Variants in GPR39 observed in about 807,000 individuals in gnomAD.
GPR39 encodes the protein zinc sensing receptor.
In GPR39, 23 loss-of-function variants were observed where a neutral mutation model predicts 18.4. The ratio of observed to expected loss-of-function variants is 1.25; its 90% confidence interval spans 0.90 to 1.77. The LOEUF is 1.77. Among genes scored for constraint, GPR39 ranks in the 40% most tolerant of loss-of-function variants. The probability of loss-of-function intolerance (pLI) is 0.00; values close to 1 mark genes in which losing one functional copy is unlikely to be tolerated. For synonymous variants in GPR39, 280 were observed against 257.9 expected (o/e 1.09, Z -0.82); for missense variants, 647 against 602.4 (o/e 1.07, Z -0.78).
intron 1 of GPR39, among the ~76,000 whole-genome samples, chr2:132,457,096 C>T (rs1311468454): frequency 1.3e-5 from 2 of 152,320 alleles, no homozygotes; most frequent in East Asian, 1.9e-4. Context: ...TTCCATTCTT[C>T]CCATCACTTT....
intron 1 of GPR39, among the ~76,000 whole-genome samples, chr2:132,576,213 TTGTTGGATATGTGGTCTGAAAATA>T (rs1680524979): frequency 6.6e-6 from 1 of 152,212 alleles, no homozygotes; most frequent in Admixed American, 6.5e-5. Flanking sequence ...TGTTAGTCCT[TTGTTGGATATGTGGTCTGAAAATA>T]TTTTCTCTCA....
chr2:132,626,051 G>T (rs1189921787), intron 1 of GPR39, among the ~76,000 whole-genome samples: 1 of 150,836 alleles, frequency 6.6e-6, no homozygotes, highest in Non-Finnish European at 1.5e-5. Context: ...AGTGAGCCGA[G>T]ACCGCACCAC....
chr2:132,476,286 G>A (rs969646615), intron 1 of GPR39, among the ~76,000 whole-genome samples: 15 of 152,098 alleles, frequency 9.9e-5, no homozygotes, highest in East Asian at 3.9e-4. Flanking sequence ...TTTCTGGTTC[G>A]AAGTCCCTAG....
At chr2:132,462,597 C>T (rs1204133750) in intron 1 of GPR39, among the ~76,000 whole-genome samples, 15 of 152,218 alleles carry the variant, frequency 9.9e-5, no homozygotes, top group Non-Finnish European at 1.8e-4. Context: ...CCTCCATTTT[C>T]TACAGCTCTT....
chr2:132,493,075 A>ACATATGTAC (rs1553451691), intron 1 of GPR39, among the ~76,000 whole-genome samples: 1 of 135,324 alleles, frequency 7.4e-6, no homozygotes, highest in Non-Finnish European at 1.5e-5. Flanking sequence ...TATATATACC[A>ACATATGTAC]CATATATACC....
intron 1 of GPR39, among the ~76,000 whole-genome samples, chr2:132,599,675 CAG>C (rs1471754132): frequency 1.3e-5 from 2 of 152,130 alleles, no homozygotes; most frequent in African/African-American, 2.4e-5. Flanking sequence ...CTGTGCTCTG[CAG>C]TGAAATTAAG....
intron 1 of GPR39, among the ~76,000 whole-genome samples, chr2:132,427,169 A>T (rs1461150569): frequency 1.2e-4 from 13 of 105,794 alleles, no homozygotes; most frequent in East Asian, 5.5e-4. Flanking sequence ...TATATATGAA[A>T]TTTTTTTTTT....
In GPR39 at chr2:132,612,512, CT is replaced by C. The variant is rs569445261; in HGVS notation, c.857-32585del. On this transcript the variant is annotated intron_variant, in intron 1 of 1. Transcript: ENST00000329321. Reference sequence around the variant, plus strand: ...AGATCTGCACTCCTTCCAGAATTGACTTTTGTGTATGGTGTCAGGTTAGGCA... The same window carrying C: ...AGATCTGCACTCCTTCCAGAATTGACTTTGTGTATGGTGTCAGGTTAGGCA... Among the ~76,000 whole-genome samples, 6 of 152,294 alleles carry C rather than the reference CT, an allele frequency of 3.9e-5. No individual in the cohort carries two copies. In the East Asian group the frequency reaches 1.2e-3, roughly 29 times the overall value.
At chr2:132,442,679 T>C (rs1270300977) in intron 1 of GPR39, among the ~76,000 whole-genome samples, 1 of 152,234 alleles carries the variant, frequency 6.6e-6, no homozygotes, top group African/African-American at 2.4e-5. Flanking sequence ...TGTCGGAGGC[T>C]TCCTCTCACA....
At chr2:132,419,695 A>T (rs1679972909) in intron 1 of GPR39, among the ~76,000 whole-genome samples, 1 of 152,202 alleles carries the variant, frequency 6.6e-6, no homozygotes, top group Non-Finnish European at 1.5e-5. Context: ...GCATATCTTA[A>T]ACTGTAAGGT....
At chr2:132,588,918 G>A (rs1030283419) in intron 1 of GPR39, among the ~76,000 whole-genome samples, 3 of 152,140 alleles carry the variant, frequency 2.0e-5, no homozygotes, top group Non-Finnish European at 2.9e-5. Flanking sequence ...CCTCAAATGG[G>A]GAGATAGAGA....
intron 1 of GPR39, among the ~76,000 whole-genome samples, chr2:132,478,192 G>A (rs761773629): frequency 2.0e-5 from 3 of 152,186 alleles, no homozygotes; most frequent in Non-Finnish European, 4.4e-5. Flanking sequence ...CAAAGAAAAA[G>A]TCTGAAACAT....
rs906246888 is a variant in GPR39, at chr2:132,645,858, C to T, written c.*252C>T. The T allele has an allele frequency of 2.8e-5, 19 of 668,962 alleles. No homozygotes were observed. The highest frequency in any genetic ancestry group is 3.7e-5 in the Non-Finnish European group (15 of 405,686). The allele number at this position is 668,962 out of a possible 1,614,324, so 41.4% of individuals were successfully genotyped here. ...TTCAAGTACATACTGAAAATTCAGT[C>T]AGGCTGAATTTATTCAGAATGCTTT... On this transcript the variant is annotated 3_prime_UTR_variant, in exon 2 of 2. Transcript: ENST00000329321.
At chr2:132,614,493 C>T (rs1681297373) in intron 1 of GPR39, among the ~76,000 whole-genome samples, 1 of 152,146 alleles carries the variant, frequency 6.6e-6, no homozygotes, top group African/African-American at 2.4e-5. Context: ...CATACCTCGG[C>T]CTCCCAAAGT....
At chr2:132,443,843 G>T (rs1029046765) in intron 1 of GPR39, among the ~76,000 whole-genome samples, 1 of 152,194 alleles carries the variant, frequency 6.6e-6, no homozygotes, top group Non-Finnish European at 1.5e-5. Flanking sequence ...GCCAAGGAGG[G>T]TGAATCTCTT....
At chr2:132,585,929 G>A (rs1461189137) in intron 1 of GPR39, among the ~76,000 whole-genome samples, 1 of 144,776 alleles carries the variant, frequency 6.9e-6, no homozygotes, top group Non-Finnish European at 1.5e-5. Flanking sequence ...CAGTGATCGG[G>A]CTTCTCGAAG....
At chr2:132,562,577 G>A (rs1162836057) in intron 1 of GPR39, among the ~76,000 whole-genome samples, 1 of 149,114 alleles carries the variant, frequency 6.7e-6, no homozygotes, top group Non-Finnish European at 1.5e-5. Context: ...ATCCTATTTT[G>A]TCACTTACAG....
intron 1 of GPR39, among the ~76,000 whole-genome samples, chr2:132,571,606 T>A (rs1558844005): frequency 6.6e-6 from 1 of 152,080 alleles, no homozygotes; most frequent in East Asian, 1.9e-4. Flanking sequence ...TGGAAGTAAG[T>A]GACTGTAAAC....
chr2:132,540,051 G>C (rs1427480140), intron 1 of GPR39, among the ~76,000 whole-genome samples: 1 of 152,046 alleles, frequency 6.6e-6, no homozygotes, highest in Non-Finnish European at 1.5e-5. Flanking sequence ...GAAAATCCGT[G>C]TCTACCCTCA....
Sources: allele counts gnomAD v4.1 joint callset (sites outside exome capture counted in the v4.1 genomes callset), GRCh38; gene constraint gnomAD v4.1.1; transcripts MANE v1.5; gene names NCBI Gene and HGNC (gene_info 2026-07-23, HGNC 2026-07-21).